COL13A1: variants seen among roughly 807,000 people sequenced by gnomAD.
COL13A1 encodes collagen alpha-1(XIII) chain.
COL13A1 carries 89 observed loss-of-function variants against 130.9 expected under a neutral mutation model. The observed-to-expected ratio is 0.68, with a 90% confidence interval of 0.57 to 0.81. The LOEUF (loss-of-function observed/expected upper bound fraction) is 0.81. Among genes scored for constraint, COL13A1 ranks in the 30% least tolerant of loss-of-function variants. The pLI is 0.00. For synonymous variants in COL13A1, 402 were observed against 341.6 expected (o/e 1.18, Z -1.95); for missense variants, 879 against 934.6 (o/e 0.94, Z 0.78).
intron 17 of COL13A1, among the ~76,000 whole-genome samples, chr10:69,913,399 C>G (rs928084509): frequency 6.6e-6 from 1 of 152,086 alleles, no homozygotes; most frequent in Non-Finnish European, 1.5e-5. Context: ...TGAGCCAGGC[C>G]CTCCAAAAAC....
At chr10:69,825,823 C>A (rs956659259) in intron 2 of COL13A1, among the ~76,000 whole-genome samples, 1 of 152,210 alleles carries the variant, frequency 6.6e-6, no homozygotes, top group Non-Finnish European at 1.5e-5. Context: ...TTCCCAGCAT[C>A]CTCCTGGGAT....
intron 1 of COL13A1, among the ~76,000 whole-genome samples, chr10:69,804,769 A>C (rs1328766869): frequency 1.4e-5 from 2 of 142,024 alleles, no homozygotes; most frequent in South Asian, 4.6e-4. Flanking sequence ...ACAGGGAAGT[A>C]GTGCACAAAG....
At chr10:69,865,709 G>C (rs930301227) in intron 2 of COL13A1, among the ~76,000 whole-genome samples, 9 of 152,200 alleles carry the variant, frequency 5.9e-5, no homozygotes, top group Non-Finnish European at 1.2e-4. Flanking sequence ...ATAAGACAAA[G>C]GTGCCTGTAA....
At chr10:69,945,390 CT>C (rs2136174433) in intron 36 of COL13A1, among the ~76,000 whole-genome samples, 1 of 152,324 alleles carries the variant, frequency 6.6e-6, no homozygotes, top group Non-Finnish European at 1.5e-5. Context: ...TTCTTCGCCC[CT>C]GTTTCAGCCT....
At chr10:69,808,874 C>A (rs1406946900) in intron 1 of COL13A1, among the ~76,000 whole-genome samples, 1 of 152,222 alleles carries the variant, frequency 6.6e-6, no homozygotes, top group Admixed American at 6.5e-5. Context: ...TCAGCATTTG[C>A]TCAGGGGGTG....
chr10:69,957,181 A>G, intron 40 of COL13A1, 139 bp downstream of exon 40: 2 of 712,618 alleles, frequency 2.8e-6, no homozygotes, highest in Non-Finnish European at 5.1e-6. Flanking sequence ...CAGGGTGCCC[A>G]TTAAACATCC....
intron 1 of COL13A1, among the ~76,000 whole-genome samples, chr10:69,813,984 T>A (rs1187892011): frequency 1.3e-5 from 2 of 152,162 alleles, no homozygotes; most frequent in African/African-American, 2.4e-5. Context: ...AGGGCTGACC[T>A]AAAAGTAAGT....
intron 1 of COL13A1, among the ~76,000 whole-genome samples, chr10:69,810,517 C>T (rs1013312195): frequency 3.3e-5 from 5 of 152,104 alleles, no homozygotes; most frequent in African/African-American, 7.2e-5. Flanking sequence ...CAAAAGTCTC[C>T]GTGTGCACTG....
intron 1 of COL13A1, among the ~76,000 whole-genome samples, chr10:69,818,973 C>A (rs1247782566): frequency 6.6e-6 from 1 of 152,238 alleles, no homozygotes; most frequent in Non-Finnish European, 1.5e-5. Flanking sequence ...CCCGACTCAA[C>A]ACCCAGGCCC....
chr10:69,851,598 G>C (rs374169604), intron 2 of COL13A1, among the ~76,000 whole-genome samples: 1 of 152,306 alleles, frequency 6.6e-6, no homozygotes, highest in African/African-American at 2.4e-5. Flanking sequence ...TGAGGCTGAG[G>C]AACTGAACTG....
intron 17 of COL13A1, 80 bp downstream of exon 17, chr10:69,905,902 T>C: frequency 6.7e-7 from 1 of 1,498,920 alleles, no homozygotes; most frequent in Non-Finnish European, 9.1e-7. Flanking sequence ...CCCAAGAGGG[T>C]CTCTCCCTTC....
chr10:69,927,110 G>C lies in COL13A1; in HGVS notation c.1422G>C (p.Met474Ile). The C allele has an allele frequency of 6.2e-7, 1 of 1,613,662 alleles. No homozygotes were observed. The highest frequency in any genetic ancestry group is 8.5e-7 in the Non-Finnish European group (1 of 1,179,822). Residue 474 changes from methionine (M) to isoleucine (I), a missense_variant and splice_region_variant, in exon 27 of 41, where the codon ATG (methionine) becomes ATC (isoleucine). Coordinates refer to ENST00000645393, the MANE Select transcript of COL13A1 (RefSeq NM_001368882.1). ...AGGAGATCCGGACGCTGGCCTTGAT[G>C]GTAAGTTTTGCTCCTCCTGGCTTTC... ...ALQEIRTLAL[M>I]GPPGLPGQIG...
intron 2 of COL13A1, among the ~76,000 whole-genome samples, chr10:69,833,746 T>G (rs959485631): frequency 2.0e-5 from 3 of 152,084 alleles, no homozygotes; most frequent in African/African-American, 7.2e-5. Flanking sequence ...CAACTGTGTT[T>G]TTTCCACACA....
intron 2 of COL13A1, among the ~76,000 whole-genome samples, chr10:69,835,306 G>A (rs541076791): frequency 8.3e-4 from 126 of 152,234 alleles, no homozygotes; most frequent in Non-Finnish European, 1.5e-3. Context: ...GGAAGAGCCC[G>A]CGACCTCTGC....
At chr10:69,845,673 C>A (rs1791944072) in intron 2 of COL13A1, among the ~76,000 whole-genome samples, 2 of 152,224 alleles carry the variant, frequency 1.3e-5, no homozygotes, top group Admixed American at 1.3e-4. Context: ...AAGGTCCCTG[C>A]ATCCCTCTTA....
chr10:69,921,423 A>G (rs984507106), intron 21 of COL13A1, among the ~76,000 whole-genome samples: 1 of 152,226 alleles, frequency 6.6e-6, no homozygotes, highest in African/African-American at 2.4e-5. Flanking sequence ...GGTTATAGCT[A>G]GAGGCGGAGA....
chr10:69,885,743 C>G (rs2060537728), intron 7 of COL13A1, among the ~76,000 whole-genome samples: 1 of 152,200 alleles, frequency 6.6e-6, no homozygotes, highest in Non-Finnish European at 1.5e-5. Flanking sequence ...AAAGTTTACA[C>G]TGGGAGGCTT....
Position 69,802,248 on chromosome 10 carries a change from C to T in COL13A1, c.-176C>T. ...TACCGCTGGTTGTGCTTTTTCGGCA[C>T]TTCCTCTCCTACTGCTAATTTTTCC... On this transcript the variant is annotated 5_prime_UTR_variant, in exon 1 of 41. Transcript: ENST00000645393. 1 of 739,176 alleles carries T rather than the reference C, an allele frequency of 1.4e-6. No individual in the cohort carries two copies. The highest frequency in any genetic ancestry group is 4.1e-5 in the Admixed American group (1 of 24,372). The allele number at this position is 739,176 out of a possible 1,614,324, so 45.8% of individuals were successfully genotyped here. A position where few individuals can be genotyped will look rare whatever the true frequency, so the allele number is the denominator to read the frequency against.
At chr10:69,937,910 G>T (rs2067150193) in intron 34 of COL13A1, among the ~76,000 whole-genome samples, 195 bp downstream of exon 34, 1 of 152,222 alleles carries the variant, frequency 6.6e-6, no homozygotes, top group South Asian at 2.1e-4. Flanking sequence ...CCACCTTGGT[G>T]CTGGGGAAAG....
Sources: gnomAD v4.1 joint callset for allele counts (sites outside exome capture counted in the v4.1 genomes callset) on GRCh38, gnomAD v4.1.1 for gene constraint, MANE v1.5 for transcripts, NCBI Gene and HGNC (gene_info 2026-07-23, HGNC 2026-07-21) for gene names.